ENTREP2: variants seen among roughly 807,000 people sequenced by gnomAD.
The protein encoded by ENTREP2 is protein ENTREP2.
At chr15:29,656,227 GA>G in the ENTREP2 span, among the ~76,000 whole-genome samples, 1 of 149,992 alleles carries the variant, frequency 6.7e-6, no homozygotes, top group South Asian at 2.1e-4. Flanking sequence ...AATGTTAACG[GA>G]ATTTTTTTTT....
the ENTREP2 span, among the ~76,000 whole-genome samples, chr15:29,480,081 T>C: frequency 2.0e-5 from 3 of 152,292 alleles, no homozygotes; most frequent in East Asian, 1.9e-4. Flanking sequence ...GTTATTAAAA[T>C]AGTCCCAGAT....
the ENTREP2 span, among the ~76,000 whole-genome samples, chr15:29,585,652 C>G: frequency 6.6e-6 from 1 of 151,284 alleles, no homozygotes; most frequent in Non-Finnish European, 1.5e-5. Flanking sequence ...GTCAGGAGAT[C>G]GAGACCATCC....
At chr15:29,154,350 A>G in the ENTREP2 span, among the ~76,000 whole-genome samples, 1 of 152,188 alleles carries the variant, frequency 6.6e-6, no homozygotes, top group South Asian at 2.1e-4. Flanking sequence ...TCATGAAAGC[A>G]GACATCTCCA....
At chr15:29,128,967 G>GCT in the ENTREP2 span, 1 of 694,376 alleles carries the variant, frequency 1.4e-6, no homozygotes, top group Non-Finnish European at 2.4e-6. Flanking sequence ...GGTGGGAAGC[G>GCT]CTGAGAGACG....
At chr15:29,140,787 C>G in the ENTREP2 span, among the ~76,000 whole-genome samples, 2 of 152,170 alleles carry the variant, frequency 1.3e-5, no homozygotes, top group African/African-American at 4.8e-5. Context: ...AACTCTGCAC[C>G]TGGAGGTGGA....
At chr15:29,631,378 C>A in the ENTREP2 span, among the ~76,000 whole-genome samples, 1 of 152,148 alleles carries the variant, frequency 6.6e-6, no homozygotes, top group Non-Finnish European at 1.5e-5. Context: ...CAGGGTCTGT[C>A]TTCTTTAAAG....
At chr15:29,592,723 G>A in the ENTREP2 span, among the ~76,000 whole-genome samples, 1 of 152,276 alleles carries the variant, frequency 6.6e-6, no homozygotes, top group South Asian at 2.1e-4. Flanking sequence ...AGGTGTTTGG[G>A]TTGTGAGGAT....
chr15:29,472,428 A>AAC, the ENTREP2 span, among the ~76,000 whole-genome samples: 19,180 of 140,452 alleles, frequency 0.14, 1,272 homozygotes, highest in African/African-American at 0.17. Flanking sequence ...CACAACACAC[A>AAC]ACACACACAC....
the ENTREP2 span, among the ~76,000 whole-genome samples, chr15:29,300,835 G>A: frequency 6.6e-6 from 1 of 152,146 alleles, no homozygotes; most frequent in South Asian, 2.1e-4. Context: ...TTGACCTCGT[G>A]ATCTGCCTGC....
the ENTREP2 span, among the ~76,000 whole-genome samples, chr15:29,169,933 A>C: frequency 4.6e-5 from 7 of 152,232 alleles, no homozygotes; most frequent in African/African-American, 1.7e-4. Context: ...AAGATGATAC[A>C]ATTATTCATA....
At chr15:29,479,372 G>C in the ENTREP2 span, among the ~76,000 whole-genome samples, 3 of 152,182 alleles carry the variant, frequency 2.0e-5, no homozygotes, top group Admixed American at 6.5e-5. Context: ...GCAGAACCAA[G>C]AGTGAATTAA....
chr15:29,341,970 A>G, the ENTREP2 span, among the ~76,000 whole-genome samples: 1 of 152,236 alleles, frequency 6.6e-6, no homozygotes, highest in Non-Finnish European at 1.5e-5. Flanking sequence ...TTTTATTGAC[A>G]GAATCCTATT....
At chr15:29,136,567 A>G in the ENTREP2 span, 3 of 1,515,616 alleles carry the variant, frequency 2.0e-6, no homozygotes, top group South Asian at 3.8e-5. Context: ...GACAGCTCTC[A>G]AAGCCGCCAG....
At chr15:29,421,900 T>G in the ENTREP2 span, among the ~76,000 whole-genome samples, 1 of 152,208 alleles carries the variant, frequency 6.6e-6, no homozygotes, top group Non-Finnish European at 1.5e-5. Context: ...TAACGGACTC[T>G]AAGTCCTGGA....
the ENTREP2 span, among the ~76,000 whole-genome samples, chr15:29,557,928 CA>C: frequency 6.6e-6 from 1 of 152,206 alleles, no homozygotes; most frequent in Non-Finnish European, 1.5e-5. Context: ...TGGATAACTG[CA>C]ATGGGTAAAG....
At chr15:29,170,627 G>A in the ENTREP2 span, among the ~76,000 whole-genome samples, 1 of 152,002 alleles carries the variant, frequency 6.6e-6, no homozygotes, top group Non-Finnish European at 1.5e-5. Flanking sequence ...GTCTGTGACA[G>A]GATCATTTTA....
chr15:29,302,729 G>A, the ENTREP2 span, among the ~76,000 whole-genome samples: 6,205 of 152,210 alleles, frequency 0.041, 407 homozygotes, highest in African/African-American at 0.14. Context: ...CAAGAAAGAA[G>A]AACGGTTTTG....
chr15:29,289,852 T>A, the ENTREP2 span, among the ~76,000 whole-genome samples: 1 of 151,970 alleles, frequency 6.6e-6, no homozygotes, highest in Non-Finnish European at 1.5e-5. Context: ...TCTCAAAAAA[T>A]ATATATATAC....
chr15:29,298,348 A>G, the ENTREP2 span, among the ~76,000 whole-genome samples: 2 of 152,244 alleles, frequency 1.3e-5, no homozygotes, highest in South Asian at 2.1e-4. Flanking sequence ...TGCAAATTAA[A>G]TCTTCAGAAA....
Sources: gnomAD v4.1 joint callset for allele counts (sites outside exome capture counted in the v4.1 genomes callset) on GRCh38, gnomAD v4.1.1 for gene constraint, MANE v1.5 for transcripts, NCBI Gene and HGNC (gene_info 2026-07-23, HGNC 2026-07-21) for gene names.